GPC6: variants seen among roughly 807,000 people sequenced by gnomAD.
GPC6 encodes glypican 6.
A neutral mutation model predicts 55.2 loss-of-function variants in GPC6; 14 were observed. The ratio of observed to expected loss-of-function variants is 0.25; its 90% CI spans 0.17 to 0.40. The LOEUF is 0.40. Among genes scored for constraint, GPC6 ranks in the 10% least tolerant of loss-of-function variants. GPC6 has a pLI of 1.00. For synonymous variants in GPC6, 278 were observed against 259.6 expected, an observed-to-expected ratio of 1.07 and a Z score of -0.68; for missense variants, 641 against 708.5, an observed-to-expected ratio of 0.90 and a Z score of 1.08.
chr13:93,943,586 T>A (rs1321608191), intron 3 of GPC6, among the ~76,000 whole-genome samples: 1 of 152,144 alleles, frequency 6.6e-6, no homozygotes, highest in Non-Finnish European at 1.5e-5. Flanking sequence ...TGAATAAACC[T>A]TATGCACACA....
At chr13:94,143,621 G>T (rs1566460560) in intron 4 of GPC6, among the ~76,000 whole-genome samples, 1 of 152,140 alleles carries the variant, frequency 6.6e-6, no homozygotes, top group Non-Finnish European at 1.5e-5. Context: ...GGGCACAGTG[G>T]CTCATGCCTA....
intron 6 of GPC6, among the ~76,000 whole-genome samples, chr13:94,372,514 A>G (rs2139194094): frequency 6.6e-6 from 1 of 152,310 alleles, no homozygotes; most frequent in South Asian, 2.1e-4. Context: ...ACGGGCTTAA[A>G]AAACGGCGCA....
At chr13:93,446,051 A>G (rs1392482315) in intron 1 of GPC6, among the ~76,000 whole-genome samples, 2 of 152,202 alleles carry the variant, frequency 1.3e-5, no homozygotes, top group African/African-American at 4.8e-5. Flanking sequence ...AATGGGAGAT[A>G]ATAGGAATGA....
At position 93,406,463 on chromosome 13, in the gene GPC6, C is replaced by G. The variant is rs566990258; in HGVS notation, c.161-138800C>G. Among the ~76,000 whole-genome samples, 5 of 152,230 alleles carry G rather than the reference C, an allele frequency of 3.3e-5. No homozygotes were observed. In the South Asian group the frequency reaches 8.3e-4, roughly 25 times the overall value. On this transcript the variant is annotated intron_variant, in intron 1 of 8. Coordinates refer to ENST00000377047, the MANE Select transcript of GPC6 (RefSeq NM_005708.5). ...TCCCCATTAGTCTGTCTCCTCACTTCTAGTCAGTTCATTAACATTTATTAG... is the reference window on the plus strand; with the variant it reads ...TCCCCATTAGTCTGTCTCCTCACTTGTAGTCAGTTCATTAACATTTATTAG...
At chr13:93,822,040 C>CATCAT (rs10662547) in intron 2 of GPC6, among the ~76,000 whole-genome samples, 1 of 151,106 alleles carries the variant, frequency 6.6e-6, no homozygotes, top group East Asian at 1.9e-4. Context: ...TATGTATACA[C>CATCAT]ATGATATACA....
Position 93,624,831 on chromosome 13 carries a change from G to T in GPC6, c.319+79410G>T, listed in dbSNP as rs1363135323. ...TAAGAGCTGGTTAAGTATAAGAGAA[G>T]ATAAACCTATTCATAAGAAATAACT... On this transcript the variant is annotated intron_variant, in intron 2 of 8. Transcript: ENST00000377047. 2.0e-5 allele frequency among the ~76,000 whole-genome samples: 3 copies of T among 152,270 alleles called. No homozygotes were observed. In the East Asian group the frequency reaches 5.8e-4, roughly 29 times the overall value.
intron 2 of GPC6, among the ~76,000 whole-genome samples, chr13:93,579,809 T>C (rs1047408138): frequency 6.6e-6 from 1 of 152,156 alleles, no homozygotes; most frequent in Non-Finnish European, 1.5e-5. Flanking sequence ...TTCTCATCTT[T>C]GTTGGTAATA....
chr13:93,808,195 A>G (rs1461971407), intron 2 of GPC6, among the ~76,000 whole-genome samples: 1 of 142,724 alleles, frequency 7.0e-6, no homozygotes, highest in African/African-American at 2.5e-5. Flanking sequence ...TTATTACTAT[A>G]CACTATATAG....
At chr13:93,986,886 G>T (rs1262128404) in intron 3 of GPC6, among the ~76,000 whole-genome samples, 1 of 152,058 alleles carries the variant, frequency 6.6e-6, no homozygotes, top group Admixed American at 6.6e-5. Flanking sequence ...AGTAACATGA[G>T]AAAATTCTCA....
chr13:93,489,312 T>C (rs980103636), intron 1 of GPC6, among the ~76,000 whole-genome samples: 36 of 151,572 alleles, frequency 2.4e-4, no homozygotes, highest in Admixed American at 2.2e-3. Flanking sequence ...AGGGCTCTGT[T>C]CTGTTCCACT....
intron 1 of GPC6, among the ~76,000 whole-genome samples, chr13:93,525,498 A>C (rs2139405768): frequency 6.6e-6 from 1 of 152,126 alleles, no homozygotes; most frequent in African/African-American, 2.4e-5. Context: ...ATACAGGTTC[A>C]CTCACCTCTG....
chr13:94,136,258 G>A lies in GPC6; in HGVS notation c.877+108364G>A, dbSNP rs1192658515. ...CATACCTAGTACTAATTACTGGACC[G>A]ACTTCTGTGAACTACTGATTGGAAA... On this transcript the variant is annotated intron_variant, in intron 4 of 8. Coordinates refer to ENST00000377047, the MANE Select transcript of GPC6 (RefSeq NM_005708.5). Among the ~76,000 whole-genome samples, 3 of 147,714 alleles carry A rather than the reference G, an allele frequency of 2.0e-5. 1 individual carries two copies. The highest frequency in any genetic ancestry group is 2.1e-4 in the South Asian group (1 of 4,700).
chr13:93,301,505 T>C (rs1462873727), intron 1 of GPC6, among the ~76,000 whole-genome samples: 1 of 152,168 alleles, frequency 6.6e-6, no homozygotes. Context: ...CTTCCTGCAG[T>C]TGTTGATGTT....
At chr13:93,863,606 T>C (rs559333973) in intron 3 of GPC6, among the ~76,000 whole-genome samples, 1 of 151,712 alleles carries the variant, frequency 6.6e-6, no homozygotes, top group East Asian at 1.9e-4. Context: ...TCTTCCCTTA[T>C]AGCTAAATCG....
At chr13:93,656,424 T>C (rs189046418) in intron 2 of GPC6, among the ~76,000 whole-genome samples, 1 of 152,250 alleles carries the variant, frequency 6.6e-6, no homozygotes, top group Admixed American at 6.5e-5. Context: ...TAATGCTATC[T>C]CTCCTATACC....
At chr13:94,208,389 GT>G (rs1370038895) in intron 4 of GPC6, among the ~76,000 whole-genome samples, 1 of 152,068 alleles carries the variant, frequency 6.6e-6, no homozygotes, top group Non-Finnish European at 1.5e-5. Flanking sequence ...ACTCCATAAT[GT>G]TAGCCCTTAT....
intron 3 of GPC6, among the ~76,000 whole-genome samples, chr13:93,922,231 C>T (rs1877613020): frequency 1.3e-5 from 2 of 152,056 alleles, no homozygotes; most frequent in Non-Finnish European, 2.9e-5. Flanking sequence ...GATTCTATCT[C>T]GTTGGGGAGG....
intron 4 of GPC6, among the ~76,000 whole-genome samples, chr13:94,270,200 A>G (rs12874711): frequency 0.019 from 2,864 of 152,298 alleles, 39 homozygotes; most frequent in Non-Finnish European, 0.032. Context: ...TGTGTTTACT[A>G]TACTTTGTTC....
chr13:93,535,970 T>C (rs1882046800), intron 1 of GPC6, among the ~76,000 whole-genome samples: 2 of 152,180 alleles, frequency 1.3e-5, no homozygotes, highest in Non-Finnish European at 2.9e-5. Flanking sequence ...CCTCATGCTC[T>C]AACAAGCACT....
Sources: gnomAD v4.1 joint callset for allele counts (sites outside exome capture counted in the v4.1 genomes callset) on GRCh38, gnomAD v4.1.1 for gene constraint, MANE v1.5 for transcripts, NCBI Gene and HGNC (gene_info 2026-07-23, HGNC 2026-07-21) for gene names.